The following SLC25A21 variants were observed in gnomAD, a reference collection of about 807,000 sequenced individuals.
SLC25A21 encodes the protein solute carrier family 25 member 21.
Under a neutral mutation model 43.8 loss-of-function variants are expected in SLC25A21, and 47 were observed. The observed-to-expected ratio is 1.07, with a 90% confidence interval of 0.85 to 1.37. The LOEUF (loss-of-function observed/expected upper bound fraction) is 1.37, where lower values mean the gene tolerates loss of function less well. SLC25A21 is among the 40% of genes most tolerant of loss of function. SLC25A21 has a pLI of 0.00. For missense variants in SLC25A21, 352 were observed against 350.2 expected (o/e 1.00, Z -0.04); for synonymous variants, 131 against 121.3 (o/e 1.08, Z -0.52).
At chr14:37,038,281 C>T (rs1040161587) in intron 1 of SLC25A21, among the ~76,000 whole-genome samples, 1 of 152,014 alleles carries the variant, frequency 6.6e-6, no homozygotes, top group Non-Finnish European at 1.5e-5. Flanking sequence ...ATAAGGTATA[C>T]CTACCTTATA....
chr14:36,907,784 T>G (rs545659329), intron 1 of SLC25A21, among the ~76,000 whole-genome samples: 1 of 152,302 alleles, frequency 6.6e-6, no homozygotes, highest in African/African-American at 2.4e-5. Flanking sequence ...GAAGGGTAAG[T>G]TATTTCTAAA....
intron 2 of SLC25A21, among the ~76,000 whole-genome samples, chr14:36,829,007 T>G (rs968395940): frequency 6.6e-6 from 1 of 152,158 alleles, no homozygotes; most frequent in African/African-American, 2.4e-5. Context: ...GCTCAAACGA[T>G]TCTCATGCTT....
At chr14:36,777,724 C>T (rs148163205) in intron 3 of SLC25A21, among the ~76,000 whole-genome samples, 194 of 152,296 alleles carry the variant, frequency 1.3e-3, no homozygotes, top group African/African-American at 4.5e-3. Context: ...CTGAAGACAT[C>T]TTAGTTTTGG....
chr14:36,703,580 C>T (rs12185046), intron 7 of SLC25A21, among the ~76,000 whole-genome samples: 23,442 of 152,090 alleles, frequency 0.15, 2,486 homozygotes, highest in East Asian at 0.3. Context: ...CTATTGTTTT[C>T]TGCAAAATAA....
At chr14:36,890,187 G>A (rs1891036882) in intron 1 of SLC25A21, among the ~76,000 whole-genome samples, 1 of 152,074 alleles carries the variant, frequency 6.6e-6, no homozygotes, top group African/African-American at 2.4e-5. Flanking sequence ...AAGGGATTGG[G>A]CCAGGAAAAC....
intron 1 of SLC25A21, among the ~76,000 whole-genome samples, chr14:36,982,650 A>T (rs187292430): frequency 1.3e-5 from 2 of 152,188 alleles, no homozygotes; most frequent in Admixed American, 1.3e-4. Flanking sequence ...CCCTGTCTCT[A>T]TCAAAAATAC....
At chr14:36,815,507 T>G (rs1378963475) in intron 2 of SLC25A21, among the ~76,000 whole-genome samples, 1 of 152,176 alleles carries the variant, frequency 6.6e-6, no homozygotes. Context: ...GGTTGATCAT[T>G]CTGGGTAGTT....
intron 1 of SLC25A21, among the ~76,000 whole-genome samples, chr14:37,119,073 A>G (rs527861325): frequency 6.6e-6 from 1 of 152,248 alleles, no homozygotes; most frequent in African/African-American, 2.4e-5. Flanking sequence ...ATTATACACT[A>G]ATTATAATGC....
intron 1 of SLC25A21, among the ~76,000 whole-genome samples, chr14:36,979,851 C>A (rs1355192964): frequency 2.0e-5 from 3 of 152,130 alleles, no homozygotes; most frequent in South Asian, 2.1e-4. Flanking sequence ...CTCTGCAGGG[C>A]AAAGGATCTG....
At chr14:37,063,939 A>G (rs779320698) in intron 1 of SLC25A21, among the ~76,000 whole-genome samples, 5 of 152,182 alleles carry the variant, frequency 3.3e-5, no homozygotes, top group Non-Finnish European at 5.9e-5. Flanking sequence ...TATCACGATG[A>G]TGGTTAATTT....
At chr14:37,055,711 A>T (rs1961810051) in intron 1 of SLC25A21, among the ~76,000 whole-genome samples, 1 of 152,194 alleles carries the variant, frequency 6.6e-6, no homozygotes, top group Admixed American at 6.5e-5. Flanking sequence ...CATGTGAGTG[A>T]CCATCCAGAA....
chr14:37,002,427 C>G (rs1045139737), intron 1 of SLC25A21, among the ~76,000 whole-genome samples: 2 of 152,126 alleles, frequency 1.3e-5, no homozygotes, highest in African/African-American at 4.8e-5. Context: ...ACCCTACCAG[C>G]TTTATCTGCA....
intron 3 of SLC25A21, among the ~76,000 whole-genome samples, chr14:36,779,604 G>GTATATATATA (rs1346791998): frequency 3.9e-5 from 2 of 51,874 alleles, no homozygotes; most frequent in Non-Finnish European, 8.2e-5. Flanking sequence ...ATGTATATGT[G>GTATATATATA]TATACATATA....
chr14:36,721,329 C>T (rs1266608851), intron 6 of SLC25A21, among the ~76,000 whole-genome samples: 3 of 152,122 alleles, frequency 2.0e-5, no homozygotes, highest in African/African-American at 7.2e-5. Context: ...TTTTTCCTAA[C>T]AAATGAGGAA....
chr14:36,999,677 TTA>T (rs997536955), intron 1 of SLC25A21, among the ~76,000 whole-genome samples: 2 of 152,132 alleles, frequency 1.3e-5, no homozygotes, highest in Non-Finnish European at 2.9e-5. Flanking sequence ...AAAACTGCTC[TTA>T]AAAAGTAAAG....
chr14:36,918,906 C>T (rs1388268236), intron 1 of SLC25A21, among the ~76,000 whole-genome samples: 1 of 152,000 alleles, frequency 6.6e-6, no homozygotes, highest in Admixed American at 6.6e-5. Flanking sequence ...TTCTCTCTCT[C>T]TTATTTAACA....
At position 36,680,608 on chromosome 14, in the gene SLC25A21, T is replaced by C; in HGVS notation, c.*50A>G. On this transcript the variant is annotated 3_prime_UTR_variant, in exon 10 of 10. Transcript: ENST00000331299. ...CGATAGTCTCTCTTCTTCATGGTGC[T>C]GCATAGCAAATATCCATTATCTCAA... is the stretch of plus-strand genomic sequence containing the variant. 1.2e-6 allele frequency: 2 copies of C among 1,604,780 alleles called. No individual in the cohort carries two copies. Among genetic ancestry groups the C allele is most frequent in the Non-Finnish European group, 8.5e-7 (1 of 1,175,750 alleles).
Position 37,156,069 on chromosome 14 carries a change from G to C in SLC25A21, c.70+16212C>G, listed in dbSNP as rs183002651. On this transcript the variant is annotated intron_variant, in intron 1 of 9. Transcript: ENST00000331299. The stretch of plus-strand genomic sequence containing the variant: ...AGCTACTCAGGAGGCTGATGCAGGA[G>C]AATCACTTGAACCCAGGAGGCGGAG... 2.3e-3 allele frequency among the ~76,000 whole-genome samples: 346 copies of C among 150,406 alleles called. 2 individuals carry two copies. The highest frequency in any genetic ancestry group is 4.2e-3 in the Non-Finnish European group (286 of 67,856).
At chr14:36,998,909 TGGAGA>T (rs2138722171) in intron 1 of SLC25A21, among the ~76,000 whole-genome samples, 1 of 152,218 alleles carries the variant, frequency 6.6e-6, no homozygotes, top group East Asian at 1.9e-4. Context: ...TGCCAAACGC[TGGAGA>T]GGATATAGAG....
Sources: gnomAD v4.1 joint callset for allele counts (sites outside exome capture counted in the v4.1 genomes callset) on GRCh38, gnomAD v4.1.1 for gene constraint, MANE v1.5 for transcripts, NCBI Gene and HGNC (gene_info 2026-07-23, HGNC 2026-07-21) for gene names.